The following HYDIN variants were observed in gnomAD, a reference collection of about 807,000 sequenced individuals.
HYDIN encodes the protein HYDIN axonemal central pair apparatus protein.
A neutral mutation model predicts 403.9 loss-of-function variants in HYDIN; 132 were observed. The observed-to-expected ratio is 0.33, with a 90% CI of 0.28 to 0.38. The LOEUF is 0.38. Ranked by LOEUF, HYDIN falls within the 10% of genes least tolerant of loss-of-function variation. HYDIN has a pLI of 1.00. For missense variants in HYDIN, 2,827 were observed against 5,009.5 expected, an observed-to-expected ratio of 0.56 and a Z score of 13.15; for synonymous variants, 1,202 against 1,891.7, an observed-to-expected ratio of 0.64 and a Z score of 9.46.
intron 9 of HYDIN, among the ~76,000 whole-genome samples, chr16:71,127,076 G>A (rs1199947337): frequency 6.6e-6 from 1 of 152,102 alleles, no homozygotes; most frequent in African/African-American, 2.4e-5. Flanking sequence ...TTTTAAGTAA[G>A]GAGATTTAAC....
chr16:71,223,544 C>T (rs1402085186), intron 1 of HYDIN, among the ~76,000 whole-genome samples: 1 of 151,888 alleles, frequency 6.6e-6, no homozygotes, highest in East Asian at 1.9e-4. Context: ...AGACAACCCA[C>T]AGGGTGGGAG....
intron 1 of HYDIN, among the ~76,000 whole-genome samples, chr16:71,193,353 C>T (rs1461888042): frequency 3.9e-5 from 6 of 152,092 alleles, no homozygotes; most frequent in Non-Finnish European, 7.4e-5. Flanking sequence ...TTAACAGAGT[C>T]CAGGTTAAGT....
intron 78 of HYDIN, among the ~76,000 whole-genome samples, chr16:70,834,935 T>A (rs2037286188): frequency 6.7e-6 from 1 of 148,616 alleles, no homozygotes; most frequent in African/African-American, 2.5e-5. Flanking sequence ...TATATGTATA[T>A]ATACACACAT....
At chr16:70,891,600 TA>T (rs2041473340) in intron 57 of HYDIN, 45 bp downstream of exon 57, 1 of 334,418 alleles carries the variant, frequency 3.0e-6, no homozygotes, top group African/African-American at 2.1e-5. Context: ...ATATAAAGCA[TA>T]AATTAAAGAG....
At chr16:71,199,008 T>C (rs368192080) in intron 1 of HYDIN, among the ~76,000 whole-genome samples, 3 of 152,218 alleles carry the variant, frequency 2.0e-5, no homozygotes, top group East Asian at 1.9e-4. Context: ...TTGACAATCT[T>C]AATTTTAGCT....
chr16:71,110,448 AATATATAAATATATATAAAC>A (rs987908723), intron 10 of HYDIN, among the ~76,000 whole-genome samples: 3 of 142,024 alleles, frequency 2.1e-5, no homozygotes, highest in South Asian at 2.1e-4. Context: ...TAAATAATAT[AATATATAAATATATATAAAC>A]ATATATAAAT....
At chr16:70,905,500 GCACA>G (rs1273270312) in intron 50 of HYDIN, among the ~76,000 whole-genome samples, 2 of 150,514 alleles carry the variant, frequency 1.3e-5, no homozygotes, top group Admixed American at 6.6e-5. Context: ...AGGTGTGGTT[GCACA>G]CACCTGTAGT....
At chr16:71,135,401 G>C (rs967066591) in intron 8 of HYDIN, among the ~76,000 whole-genome samples, 1 of 146,584 alleles carries the variant, frequency 6.8e-6, no homozygotes, top group African/African-American at 2.5e-5. Context: ...AATTTTTTTA[G>C]AGTTTAACTG....
At chr16:71,039,868 C>A (rs1428445245) in intron 18 of HYDIN, among the ~76,000 whole-genome samples, 2 of 152,232 alleles carry the variant, frequency 1.3e-5, no homozygotes, top group Non-Finnish European at 1.5e-5. Flanking sequence ...TGGCCCTTTG[C>A]CCTCATTGGC....
At chr16:71,036,696 C>T (rs2081099208) in intron 18 of HYDIN, among the ~76,000 whole-genome samples, 1 of 149,302 alleles carries the variant, frequency 6.7e-6, no homozygotes, top group Admixed American at 6.7e-5. Context: ...TTAATCAATG[C>T]TTGGCATAAA....
chr16:70,980,593 T>C (rs1198404549), intron 29 of HYDIN, among the ~76,000 whole-genome samples: 1 of 150,468 alleles, frequency 6.6e-6, no homozygotes, highest in Non-Finnish European at 1.5e-5. Flanking sequence ...GAGCAGACAA[T>C]TAGAATTCAG....
At chr16:71,187,599 G>T (rs1050284582) in intron 1 of HYDIN, among the ~76,000 whole-genome samples, 2 of 151,808 alleles carry the variant, frequency 1.3e-5, no homozygotes, top group Admixed American at 6.6e-5. Context: ...CTAAAAAAGA[G>T]AACTAAAAAT....
Position 71,036,883 on chromosome 16 carries a change from C to G in HYDIN, c.2530-4966G>C, listed in dbSNP as rs2081106295. 2.0e-5 allele frequency among the ~76,000 whole-genome samples: 3 copies of G among 152,076 alleles called. No homozygotes were observed. The South Asian group carries it at 6.2e-4, about 32-fold the overall frequency. On this transcript the variant is annotated intron_variant, in intron 18 of 85. Coordinates refer to ENST00000393567, the MANE Select transcript of HYDIN (RefSeq NM_001270974.2). Reference sequence around the variant, plus strand: ...CCTTTGCTTTTAGGGAGGGCTTGGTCATTGTGATATTTCCTGTTATTAAAT... The same window carrying G: ...CCTTTGCTTTTAGGGAGGGCTTGGTGATTGTGATATTTCCTGTTATTAAAT...
intron 16 of HYDIN, among the ~76,000 whole-genome samples, chr16:71,063,757 G>A (rs1486086778): frequency 6.6e-6 from 1 of 152,058 alleles, no homozygotes; most frequent in Non-Finnish European, 1.5e-5. Context: ...ATTCTATTCT[G>A]TTTCAGATTA....
chr16:70,871,453 C>T (rs1413861016), intron 65 of HYDIN, among the ~76,000 whole-genome samples: 2 of 151,882 alleles, frequency 1.3e-5, no homozygotes, highest in Admixed American at 1.3e-4. Context: ...TCTTCTAGAA[C>T]GTTATCCTAG....
chr16:71,088,837 A>AC (rs2083014393), intron 11 of HYDIN, among the ~76,000 whole-genome samples: 1 of 73,624 alleles, frequency 1.4e-5, no homozygotes, highest in African/African-American at 5.6e-5. Flanking sequence ...CTTTTTTGCT[A>AC]CTCTCTATAA....
chr16:70,898,972 T>G (rs1277056338), intron 53 of HYDIN, among the ~76,000 whole-genome samples: 9 of 152,232 alleles, frequency 5.9e-5, no homozygotes, highest in African/African-American at 2.2e-4. Context: ...AATTTCACCA[T>G]GTTGGCCAGG....
intron 1 of HYDIN, among the ~76,000 whole-genome samples, chr16:71,187,520 A>G (rs928835175): frequency 1.3e-5 from 2 of 152,202 alleles, no homozygotes; most frequent in Admixed American, 6.5e-5. Flanking sequence ...GCAACTTCAG[A>G]AAACCATCTA....
intron 5 of HYDIN, 96 bp from the exon 6 acceptor site, chr16:71,162,826 A>C: frequency 1.7e-6 from 1 of 590,046 alleles, no homozygotes; most frequent in African/African-American, 1.9e-5. Context: ...TTTGCAAAAC[A>C]ACTTTTAGTA....
Sources: allele counts gnomAD v4.1 joint callset (sites outside exome capture counted in the v4.1 genomes callset), GRCh38; gene constraint gnomAD v4.1.1; transcripts MANE v1.5; gene names NCBI Gene and HGNC (gene_info 2026-07-23, HGNC 2026-07-21).